The following RXFP1 variants were observed in gnomAD, a reference collection of about 807,000 sequenced individuals.
The protein encoded by RXFP1 is relaxin family peptide receptor 1.
Under a neutral mutation model 89.8 loss-of-function variants are expected in RXFP1, and 73 were observed. That is an observed-to-expected ratio of 0.81 (90% CI 0.67 to 0.99). The LOEUF (loss-of-function observed/expected upper bound fraction) is 0.99. Ranked by LOEUF, RXFP1 falls within the 50% of genes least tolerant of loss-of-function variation. The pLI is 0.00. For missense variants in RXFP1, 793 were observed against 895.5 expected (o/e 0.89, Z 1.46); for synonymous variants, 277 against 305.5 (o/e 0.91, Z 0.97).
intron 1 of RXFP1, among the ~76,000 whole-genome samples, chr4:158,535,332 A>C (rs1291141650): frequency 6.6e-6 from 1 of 152,242 alleles, no homozygotes; most frequent in Non-Finnish European, 1.5e-5. Context: ...GTAATATATT[A>C]GTAATTCAAA....
At chr4:158,539,232 C>CA (rs1746003302) in intron 1 of RXFP1, among the ~76,000 whole-genome samples, 1 of 151,948 alleles carries the variant, frequency 6.6e-6, no homozygotes, top group African/African-American at 2.4e-5. Context: ...ATCGCAAGGA[C>CA]AAAAAACCAA....
intron 9 of RXFP1, among the ~76,000 whole-genome samples, chr4:158,619,808 C>G (rs530475800): frequency 1.3e-5 from 2 of 152,156 alleles, no homozygotes; most frequent in East Asian, 1.9e-4. Flanking sequence ...GAGCATTCTG[C>G]CCCAGGGTAC....
chr4:158,617,316 G>A (rs1184082933), intron 9 of RXFP1, 111 bp downstream of exon 9: 6 of 701,128 alleles, frequency 8.6e-6, no homozygotes, highest in Admixed American at 5.7e-5. Flanking sequence ...AAGGGTTTTA[G>A]TATCATATCA....
Position 158,615,424 on chromosome 4 carries a change from T to A in RXFP1, c.681-1707T>A, listed in dbSNP as rs564324394. Among the ~76,000 whole-genome samples, 4 of 152,052 alleles carry A rather than the reference T, an allele frequency of 2.6e-5. No homozygotes were observed. In the South Asian group the frequency reaches 8.3e-4, roughly 32 times the overall value. ...GGTGGCACATGCCTATATCCCCAGG[T>A]ACTTGGGAAGCTGAGGCAGGAGAAT... On this transcript the variant is annotated intron_variant, in intron 8 of 17. Coordinates refer to ENST00000307765, the MANE Select transcript of RXFP1 (RefSeq NM_021634.4).
At position 158,612,361 on chromosome 4, in the gene RXFP1, T is replaced by G; in HGVS notation, c.679T>G (p.Leu227Val). The stretch of plus-strand genomic sequence containing the variant: ...TTATGGACTAAATTCTCTTATTCTC[T>G]TGTAAGTACTAAACTAAAGCAAATA... Reference protein sequence around the residue: ...TFYGLNSLILLVLMNNVLTRL... With the variant: ...TFYGLNSLILVVLMNNVLTRL... The change falls in exon 8 of 18, where the codon TTA (leucine) becomes GTA (valine). Residue 227 changes from leucine to valine, a missense_variant and splice_region_variant. Transcript: ENST00000307765. 1 of 1,592,264 alleles carries G rather than the reference T, an allele frequency of 6.3e-7. No individual in the cohort carries two copies. The highest frequency in any genetic ancestry group is 8.6e-7 in the Non-Finnish European group (1 of 1,162,700).
intron 14 of RXFP1, among the ~76,000 whole-genome samples, chr4:158,640,576 AAGG>A (rs2150238103): frequency 6.6e-6 from 1 of 152,268 alleles, no homozygotes; most frequent in East Asian, 1.9e-4. Flanking sequence ...GAAATAATAG[AAGG>A]AGAACTCACT....
chr4:158,599,390 T>C lies in RXFP1; in HGVS notation c.351T>C (p.Asn117=). 1 of 1,613,822 alleles carries C rather than the reference T, an allele frequency of 6.2e-7. No individual in the cohort carries two copies. The highest frequency in any genetic ancestry group is 8.5e-7 in the Non-Finnish European group (1 of 1,179,816). ...QGLELDCDET[N]LRAVPSVSSN... ...TGGAGCTTGACTGTGATGAAACCAA[T>C]TTACGAGCTGTTCCATCGGTTTCTT... Residue 117 remains asparagine (N), a synonymous_variant, in exon 4 of 18, where the codon AAT becomes AAC. Coordinates refer to ENST00000307765, the MANE Select transcript of RXFP1 (RefSeq NM_021634.4).
At chr4:158,575,833 T>A (rs1039741305) in intron 2 of RXFP1, among the ~76,000 whole-genome samples, 1 of 152,254 alleles carries the variant, frequency 6.6e-6, no homozygotes, top group African/African-American at 2.4e-5. Context: ...TACCTAGTGT[T>A]ATCAGTTAGC....
At chr4:158,558,482 A>C (rs1751785909) in intron 1 of RXFP1, among the ~76,000 whole-genome samples, 1 of 152,222 alleles carries the variant, frequency 6.6e-6, no homozygotes, top group Non-Finnish European at 1.5e-5. Context: ...CATATTCAAT[A>C]TTTTAATATA....
At chr4:158,643,032 C>T (rs1770688499) in intron 14 of RXFP1, among the ~76,000 whole-genome samples, 1 of 152,128 alleles carries the variant, frequency 6.6e-6, no homozygotes, top group Non-Finnish European at 1.5e-5. Context: ...AGCTGGCTGC[C>T]CCACCCTAAT....
intron 1 of RXFP1, among the ~76,000 whole-genome samples, chr4:158,567,161 T>A (rs990148954): frequency 6.6e-6 from 1 of 152,154 alleles, no homozygotes; most frequent in Non-Finnish European, 1.5e-5. Flanking sequence ...ACCTGCAGCC[T>A]ACCATGCCTG....
At chr4:158,644,444 T>C (rs1392329370) in intron 14 of RXFP1, among the ~76,000 whole-genome samples, 1 of 152,118 alleles carries the variant, frequency 6.6e-6, no homozygotes, top group Non-Finnish European at 1.5e-5. Context: ...TTTTCTTTCA[T>C]TGGTGTTGAA....
intron 1 of RXFP1, among the ~76,000 whole-genome samples, chr4:158,541,380 A>G (rs193118778): frequency 6.6e-6 from 1 of 151,832 alleles, no homozygotes; most frequent in African/African-American, 2.4e-5. Flanking sequence ...ACACACACAC[A>G]CAGTGTCCAG....
At chr4:158,529,281 C>T (rs1743413515) in intron 1 of RXFP1, among the ~76,000 whole-genome samples, 1 of 149,314 alleles carries the variant, frequency 6.7e-6, no homozygotes. Flanking sequence ...GTTTATGAGA[C>T]AGGGTTTTGC....
At chr4:158,592,006 C>T (rs893839647) in intron 2 of RXFP1, among the ~76,000 whole-genome samples, 9 of 152,074 alleles carry the variant, frequency 5.9e-5, no homozygotes, top group African/African-American at 1.7e-4. Flanking sequence ...GTTCACTAGT[C>T]CACTCTATCA....
In RXFP1 at chr4:158,626,534, T is replaced by C. The variant is rs189248870; in HGVS notation, c.756-286T>C. 3.3e-5 allele frequency among the ~76,000 whole-genome samples: 5 copies of C among 152,248 alleles called. No individual in the cohort carries two copies. In the East Asian group the frequency reaches 9.6e-4, roughly 29 times the overall value. On this transcript the variant is annotated intron_variant, in intron 9 of 17. Coordinates refer to ENST00000307765, the MANE Select transcript of RXFP1 (RefSeq NM_021634.4). ...TTAGGTGTTTATCATAACAAATGTTTTCAATTTGACTTCTTGTTCTTTTCA... is the reference window on the plus strand; with the variant it reads ...TTAGGTGTTTATCATAACAAATGTTCTCAATTTGACTTCTTGTTCTTTTCA...
intron 11 of RXFP1, 43 bp from the exon 12 acceptor site, chr4:158,633,362 G>T (rs772657838): frequency 2.4e-6 from 3 of 1,267,716 alleles, no homozygotes; most frequent in Non-Finnish European, 3.5e-6. Context: ...AATGAGTAAA[G>T]TCTTAAGAAA....
intron 3 of RXFP1, among the ~76,000 whole-genome samples, chr4:158,597,278 T>C (rs1172032866): frequency 6.6e-6 from 1 of 152,154 alleles, no homozygotes; most frequent in Non-Finnish European, 1.5e-5. Context: ...TAAAGTCATC[T>C]CTCAAGGGCA....
chr4:158,648,367 C>A, intron 16 of RXFP1, 132 bp from the exon 17 acceptor site: 1 of 559,016 alleles, frequency 1.8e-6, no homozygotes, highest in East Asian at 3.3e-5. Flanking sequence ...AGAAAAAACC[C>A]ACACATTATA....
Sources: allele counts gnomAD v4.1 joint callset (sites outside exome capture counted in the v4.1 genomes callset), GRCh38; gene constraint gnomAD v4.1.1; transcripts MANE v1.5; gene names NCBI Gene and HGNC (gene_info 2026-07-23, HGNC 2026-07-21).